KAZN: variants seen among roughly 807,000 people sequenced by gnomAD.
The protein encoded by KAZN is kazrin, periplakin interacting protein.
In KAZN, 40 loss-of-function variants were observed where a neutral mutation model predicts 87.4. The ratio of observed to expected loss-of-function variants is 0.46; its 90% CI spans 0.36 to 0.60. The LOEUF is 0.60. KAZN is among the 20% of genes least tolerant of loss of function. The pLI is 0.00. For missense variants in KAZN, 898 were observed against 1,073.9 expected, an observed-to-expected ratio of 0.84 and a Z score of 2.29; for synonymous variants, 466 against 458.3, an observed-to-expected ratio of 1.02 and a Z score of -0.22.
rs566894035 is a variant in KAZN at position 14,607,398 on chromosome 1, T to C, written c.226+8175T>C. Among the ~76,000 whole-genome samples, 80 of 152,336 alleles carry C rather than the reference T, an allele frequency of 5.3e-4. 2 individuals carry two copies. The South Asian group carries it at 0.016, about 31-fold the overall frequency. On this transcript the variant is annotated intron_variant, in intron 1 of 14. Coordinates refer to ENST00000376030, the MANE Select transcript of KAZN (RefSeq NM_201628.3). ...GGATACAAACACAAGCCAGTGTGAT[T>C]CCAGAGACTGCCTGGCGTCTCCACC...
intron 2 of KAZN, among the ~76,000 whole-genome samples, chr1:15,004,337 G>A (rs1298427274): frequency 1.3e-5 from 2 of 152,190 alleles, no homozygotes; most frequent in Non-Finnish European, 2.9e-5. Flanking sequence ...GAGGACGCCC[G>A]CTGTGCAGAA....
Position 14,514,619 on chromosome 1 carries a change from A to ATATATTTTATATATTTTTTTATATTT in KAZN, c.250-84359_250-84358insTTTATATATTTTTTTATATTTTATAT, listed in dbSNP as rs1557770568. Among the ~76,000 whole-genome samples the ATATATTTTATATATTTTTTTATATTT allele has an allele frequency of 2.0e-3, 106 of 53,134 alleles. 2 individuals carry two copies. The highest frequency in any genetic ancestry group is 3.5e-3 in the South Asian group (6 of 1,708). 34.9% of individuals were successfully genotyped at this position (53,134 alleles called of 152,430 possible). A position where few individuals can be genotyped will look rare whatever the true frequency, so the allele number is the denominator to read the frequency against. On this transcript the variant is annotated intron_variant, in intron 2 of 16. Coordinates refer to the KAZN transcript ENST00000636203. ...TTTATATATATATATATATATATATATATATATATATATATATATATCTCA... is the reference window on the plus strand; with the variant it reads ...TTTATATATATATATATATATATATATATATTTTATATATTTTTTTATATTTTATATATATATATATATATATCTCA...
At chr1:14,794,608 G>A (rs1249221839) in intron 1 of KAZN, among the ~76,000 whole-genome samples, 2 of 152,214 alleles carry the variant, frequency 1.3e-5, no homozygotes, top group African/African-American at 2.4e-5. Context: ...CTTACTTGAT[G>A]TCCCTGATGG....
At chr1:14,946,336 TTC>T (rs1310501878) in intron 1 of KAZN, among the ~76,000 whole-genome samples, 1 of 132,902 alleles carries the variant, frequency 7.5e-6, no homozygotes, top group Non-Finnish European at 1.5e-5. Flanking sequence ...TTTTTTTTAA[TTC>T]TCTCTTTTTT....
intron 1 of KAZN, among the ~76,000 whole-genome samples, chr1:14,754,825 C>T (rs1408988187): frequency 6.6e-6 from 1 of 151,990 alleles, no homozygotes; most frequent in East Asian, 1.9e-4. Flanking sequence ...AATCCTAGCT[C>T]CACCACCTGC....
At chr1:14,104,844 A>T (rs1022403977) in intron 1 of KAZN, among the ~76,000 whole-genome samples, 5 of 152,112 alleles carry the variant, frequency 3.3e-5, no homozygotes, top group Admixed American at 1.3e-4. Flanking sequence ...CATTTCTACT[A>T]TTTATCTACA....
intron 2 of KAZN, among the ~76,000 whole-genome samples, chr1:14,523,910 T>C (rs1490311690): frequency 2.6e-5 from 4 of 152,228 alleles, no homozygotes; most frequent in African/African-American, 9.6e-5. Context: ...ATGCCACATA[T>C]GTCAGTCAAA....
chr1:14,715,543 C>T (rs1011097625), intron 1 of KAZN, among the ~76,000 whole-genome samples: 1 of 152,200 alleles, frequency 6.6e-6, no homozygotes, highest in African/African-American at 2.4e-5. Context: ...GCTCCGAAAA[C>T]AGGCTGCGTG....
rs548586481 is a variant in KAZN at position 14,011,860 on chromosome 1, C to G, written c.91+118104C>G. The stretch of plus-strand genomic sequence containing the variant: ...TTCCCAGCACAGAGTAAGTGGAATA[C>G]AGGCTGGCAGATGTTCTCACGATTA... On this transcript the variant is annotated intron_variant, in intron 1 of 16. Coordinates refer to the KAZN transcript ENST00000636203. Among the ~76,000 whole-genome samples the G allele has an allele frequency of 3.9e-5, 6 of 152,266 alleles. No individual in the cohort carries two copies. The East Asian group carries it at 7.7e-4, about 20-fold the overall frequency.
intron 2 of KAZN, among the ~76,000 whole-genome samples, chr1:14,482,341 C>T (rs903305679): frequency 1.3e-5 from 2 of 152,162 alleles, no homozygotes; most frequent in Non-Finnish European, 2.9e-5. Flanking sequence ...TGCAGACAGC[C>T]AGAGTTTGAA....
chr1:14,202,682 A>C (rs769809003), intron 2 of KAZN, among the ~76,000 whole-genome samples: 2 of 152,162 alleles, frequency 1.3e-5, no homozygotes, highest in African/African-American at 2.4e-5. Context: ...CTAGTATTCC[A>C]AAGGGCATAT....
At chr1:14,783,796 C>A (rs1169936483) in intron 1 of KAZN, among the ~76,000 whole-genome samples, 1 of 152,032 alleles carries the variant, frequency 6.6e-6, no homozygotes, top group East Asian at 1.9e-4. Context: ...AGGGCATGGG[C>A]GCACAAGAGA....
At chr1:14,966,692 TAG>T (rs1322691426) in intron 2 of KAZN, among the ~76,000 whole-genome samples, 1 of 152,112 alleles carries the variant, frequency 6.6e-6, no homozygotes, top group East Asian at 1.9e-4. Context: ...TCTTTTGAGA[TAG>T]AGTCTTGCTC....
chr1:14,268,556 GA>G (rs1651677386), intron 2 of KAZN, among the ~76,000 whole-genome samples: 1 of 151,860 alleles, frequency 6.6e-6, no homozygotes, highest in Non-Finnish European at 1.5e-5. Flanking sequence ...AGGGGAAGGA[GA>G]AAACCTTCCA....
At chr1:14,396,168 C>CAA (rs764796102) in intron 2 of KAZN, among the ~76,000 whole-genome samples, 45,185 of 120,544 alleles carry the variant, frequency 0.37, 9,143 homozygotes, top group Middle Eastern at 0.5. Context: ...GACTCCGTCT[C>CAA]AAAAAAAAAA....
At chr1:14,673,157 GC>G (rs1367652764) in intron 1 of KAZN, among the ~76,000 whole-genome samples, 1 of 152,212 alleles carries the variant, frequency 6.6e-6, no homozygotes, top group Non-Finnish European at 1.5e-5. Context: ...TTACAGGGCA[GC>G]AAGAGACGGA....
intron 1 of KAZN, among the ~76,000 whole-genome samples, chr1:14,019,736 C>G (rs927607263): frequency 2.0e-5 from 3 of 152,150 alleles, no homozygotes; most frequent in Non-Finnish European, 2.9e-5. Flanking sequence ...CTTATTCTAA[C>G]AGGGTGGAGC....
At chr1:14,711,764 G>T (rs886306099) in intron 1 of KAZN, among the ~76,000 whole-genome samples, 1 of 152,138 alleles carries the variant, frequency 6.6e-6, no homozygotes, top group South Asian at 2.1e-4. Flanking sequence ...ATCCTCTTCC[G>T]CATGGAGCCG....
intron 1 of KAZN, among the ~76,000 whole-genome samples, chr1:13,915,377 A>G (rs1639809630): frequency 6.6e-6 from 1 of 152,266 alleles, no homozygotes; most frequent in African/African-American, 2.4e-5. Flanking sequence ...AGTCTATAAC[A>G]TTAATATATT....
Sources: allele counts gnomAD v4.1 joint callset (sites outside exome capture counted in the v4.1 genomes callset), GRCh38; gene constraint gnomAD v4.1.1; transcripts MANE v1.5; gene names NCBI Gene and HGNC (gene_info 2026-07-23, HGNC 2026-07-21).